BTBD7: variants seen among roughly 807,000 people sequenced by gnomAD.
BTBD7 encodes BTB/POZ domain-containing protein 7.
A neutral mutation model predicts 99.9 loss-of-function variants in BTBD7; 38 were observed. The ratio of observed to expected loss-of-function variants is 0.38; its 90% confidence interval spans 0.29 to 0.50. The LOEUF (loss-of-function observed/expected upper bound fraction) is 0.50. Among genes scored for constraint, BTBD7 ranks in the 20% least tolerant of loss-of-function variants. The probability of loss-of-function intolerance (pLI) is 0.93; values close to 1 mark genes in which losing one functional copy is unlikely to be tolerated. For missense variants in BTBD7, 1,170 were observed against 1,394.6 expected (o/e 0.84, Z 2.57); for synonymous variants, 520 against 511.4 (o/e 1.02, Z -0.23).
At chr14:93,285,874 A>T (rs2052771291) in intron 3 of BTBD7, among the ~76,000 whole-genome samples, 1 of 152,222 alleles carries the variant, frequency 6.6e-6, no homozygotes, top group South Asian at 2.1e-4. Flanking sequence ...TAGTTGGCTT[A>T]AAGAGAAAAG....
In BTBD7 at chr14:93,302,612, C is replaced by T. The variant is rs1157161353; in HGVS notation, c.-106-6455G>A. Among the ~76,000 whole-genome samples the T allele has an allele frequency of 3.3e-5, 5 of 152,096 alleles. No individual in the cohort carries two copies. In the South Asian group the frequency reaches 6.2e-4, roughly 19 times the overall value. ...CTGTAATCCCAGCACTTTGGGAGGC[C>T]GAGGCGGGCGGATCACGAGGTCAGG... On this transcript the variant is annotated intron_variant, in intron 1 of 10. Transcript: ENST00000334746.
chr14:93,272,917 C>T (rs1465730226), intron 3 of BTBD7, among the ~76,000 whole-genome samples: 2 of 152,162 alleles, frequency 1.3e-5, no homozygotes, highest in African/African-American at 4.8e-5. Context: ...CACTCTTGTA[C>T]TGCTCCCCCT....
intron 1 of BTBD7, among the ~76,000 whole-genome samples, chr14:93,300,704 TTGTGTGTGTGTGTGTGTGTGTG>T (rs57228905): frequency 0.023 from 2,035 of 87,074 alleles, 103 homozygotes; most frequent in Middle Eastern, 0.037. Flanking sequence ...CCCAGCTAAT[TTGTGTGTGTGTGTGTGTGTGTG>T]TGTGTGTGTG....
At chr14:93,265,097 T>C (rs1242075396) in intron 3 of BTBD7, among the ~76,000 whole-genome samples, 1 of 152,006 alleles carries the variant, frequency 6.6e-6, no homozygotes, top group African/African-American at 2.4e-5. Context: ...CAAGACTCCG[T>C]CTCAAATAAA....
In BTBD7 at chr14:93,293,326, C is replaced by T. The variant is rs1281899962; in HGVS notation, c.1162+532G>A. Among the ~76,000 whole-genome samples the T allele has an allele frequency of 2.0e-5, 3 of 152,152 alleles. 1 individual carries two copies. Among genetic ancestry groups the T allele is most frequent in the East Asian group, 3.8e-4 (2 of 5,202 alleles). Reference sequence around the variant, plus strand: ...CTAACTGTGTTTTACACGCTGTAGGCTGTGGCTTGATGTACAAGTTGAATC... The same window carrying T: ...CTAACTGTGTTTTACACGCTGTAGGTTGTGGCTTGATGTACAAGTTGAATC... On this transcript the variant is annotated intron_variant, in intron 3 of 10. Coordinates refer to ENST00000334746, the MANE Select transcript of BTBD7 (RefSeq NM_001002860.4).
At chr14:93,275,735 C>T (rs1025434345) in intron 3 of BTBD7, among the ~76,000 whole-genome samples, 2 of 152,146 alleles carry the variant, frequency 1.3e-5, no homozygotes, top group Non-Finnish European at 2.9e-5. Context: ...CTGTAGGCAA[C>T]TATAATGCAA....
chr14:93,288,692 A>C, intron 3 of BTBD7: 1 of 1,602,360 alleles, frequency 6.2e-7, no homozygotes, highest in Non-Finnish European at 8.6e-7. Context: ...GGCAGGCCTG[A>C]TGACTGTAGT....
intron 3 of BTBD7, among the ~76,000 whole-genome samples, chr14:93,278,313 C>T (rs35075887): frequency 0.14 from 21,890 of 152,150 alleles, 2,042 homozygotes; most frequent in Admixed American, 0.22. Context: ...ACTTGGGAAG[C>T]TGAGGTAGGA....
At position 93,287,224 on chromosome 14, in the gene BTBD7, GTC is replaced by G. The variant is rs2052789658; in HGVS notation, c.1162+6632_1162+6633del. Among the ~76,000 whole-genome samples, 57 of 129,608 alleles carry G rather than the reference GTC, an allele frequency of 4.4e-4. No individual in the cohort carries two copies. In the South Asian group the frequency reaches 0.013, roughly 29 times the overall value. The allele number at this position is 129,608 out of a possible 152,430, so 85.0% of individuals were successfully genotyped here. A position where few individuals can be genotyped will look rare whatever the true frequency, so the allele number is the denominator to read the frequency against. Reference sequence around the variant, plus strand: ...AGCCTGGGCGACAGAGCGAGACTCTGTCTCAAAAAAAAAAAAAGTTAACCTTG... The same window carrying G: ...AGCCTGGGCGACAGAGCGAGACTCTGTCAAAAAAAAAAAAAGTTAACCTTG... On this transcript the variant is annotated intron_variant, in intron 3 of 10. Coordinates refer to ENST00000334746, the MANE Select transcript of BTBD7 (RefSeq NM_001002860.4).
intron 3 of BTBD7, among the ~76,000 whole-genome samples, chr14:93,277,902 A>G (rs1272089728): frequency 1.3e-5 from 2 of 152,252 alleles, no homozygotes; most frequent in Non-Finnish European, 2.9e-5. Context: ...TCACAGGTTT[A>G]TCAAAATGTT....
chr14:93,292,545 T>C (rs2052870991), intron 3 of BTBD7, among the ~76,000 whole-genome samples: 1 of 152,242 alleles, frequency 6.6e-6, no homozygotes. Flanking sequence ...AGGATTATGG[T>C]AAAGTAAGGT....
chr14:93,299,654 CCTAA>C (rs1416569617), intron 1 of BTBD7, among the ~76,000 whole-genome samples: 1 of 150,074 alleles, frequency 6.7e-6, no homozygotes, highest in Non-Finnish European at 1.5e-5. Context: ...TCACGGCAGA[CCTAA>C]CTGTGGGGTG....
At chr14:93,276,341 C>G (rs1410826411) in intron 3 of BTBD7, among the ~76,000 whole-genome samples, 2 of 152,192 alleles carry the variant, frequency 1.3e-5, no homozygotes, top group Non-Finnish European at 2.9e-5. Flanking sequence ...TGTTCTGAGA[C>G]AATCTCTGGA....
intron 3 of BTBD7, among the ~76,000 whole-genome samples, chr14:93,281,820 G>GT (rs1443749134): frequency 6.6e-6 from 1 of 152,168 alleles, no homozygotes; most frequent in Non-Finnish European, 1.5e-5. Context: ...ATATGTTTCT[G>GT]TATCATTTCT....
intron 1 of BTBD7, among the ~76,000 whole-genome samples, chr14:93,301,652 G>A (rs2053006183): frequency 6.6e-6 from 1 of 152,098 alleles, no homozygotes; most frequent in Non-Finnish European, 1.5e-5. Context: ...TCACACCACT[G>A]CCCTCTAGCC....
intron 3 of BTBD7, among the ~76,000 whole-genome samples, chr14:93,271,636 A>G (rs550998424): frequency 1.3e-5 from 2 of 152,348 alleles, no homozygotes; most frequent in South Asian, 2.1e-4. Context: ...TGTGGCAGGA[A>G]GTGAAAGACC....
chr14:93,299,078 C>A (rs1211471381), intron 1 of BTBD7, among the ~76,000 whole-genome samples: 1 of 152,112 alleles, frequency 6.6e-6, no homozygotes, highest in African/African-American at 2.4e-5. Flanking sequence ...GCTCTATATA[C>A]TAAAATAAAC....
In BTBD7 at chr14:93,242,423, G is replaced by C. The variant is rs767237944; in HGVS notation, c.3249C>G (p.Pro1083=). The change falls in exon 11 of 11, where the codon CCC becomes CCG. Residue 1083 remains proline (P), a synonymous_variant. Coordinates refer to ENST00000334746, the MANE Select transcript of BTBD7 (RefSeq NM_001002860.4). ...CCAGTCTTCTACCGGATCTCTCTTC[G>C]GGAGCTTCAGAGCTACATGCAGAAA... ...PSLSACSSEA[P]EERSGRRLAD... 10 of 1,614,122 alleles carry C rather than the reference G, an allele frequency of 6.2e-6. No homozygotes were observed. The South Asian group carries it at 1.1e-4, about 18-fold the overall frequency.
rs922082340 is a variant in BTBD7 at position 93,326,276 on chromosome 14, G to A, written c.-107+6544C>T. Among the ~76,000 whole-genome samples the A allele has an allele frequency of 3.9e-5, 6 of 152,152 alleles. No individual in the cohort carries two copies. The South Asian group carries it at 8.3e-4, about 21-fold the overall frequency. ...GAGTCTTGGAGTTCGAGACCAGCCT[G>A]GGCAGCACAGTGAAACCCCATCTCC... On this transcript the variant is annotated intron_variant, in intron 1 of 10. Coordinates refer to ENST00000334746, the MANE Select transcript of BTBD7 (RefSeq NM_001002860.4).
Sources: allele counts gnomAD v4.1 joint callset (sites outside exome capture counted in the v4.1 genomes callset), GRCh38; gene constraint gnomAD v4.1.1; transcripts MANE v1.5; gene names NCBI Gene and HGNC (gene_info 2026-07-23, HGNC 2026-07-21).